BICC1: variants seen among roughly 807,000 people sequenced by gnomAD.
The protein encoded by BICC1 is protein bicaudal C homolog 1.
In BICC1, 43 loss-of-function variants were observed where a neutral mutation model predicts 111.0. That is an observed-to-expected ratio of 0.39 (90% CI 0.30 to 0.50). The LOEUF (loss-of-function observed/expected upper bound fraction) is 0.50, where lower values mean the gene tolerates loss of function less well. BICC1 is among the 20% of genes least tolerant of loss of function. BICC1 has a pLI of 0.88. For synonymous variants in BICC1, 467 were observed against 434.4 expected, an observed-to-expected ratio of 1.07 and a Z score of -0.93; for missense variants, 1,091 against 1,203.2, an observed-to-expected ratio of 0.91 and a Z score of 1.38.
intron 3 of BICC1, among the ~76,000 whole-genome samples, chr10:58,777,522 G>C (rs549638114): frequency 6.6e-6 from 1 of 152,048 alleles, no homozygotes; most frequent in Non-Finnish European, 1.5e-5. Flanking sequence ...GTATGTGAAT[G>C]GACCTCCCAC....
intron 2 of BICC1, among the ~76,000 whole-genome samples, chr10:58,661,317 C>G (rs1838838010): frequency 6.6e-6 from 1 of 151,064 alleles, no homozygotes; most frequent in South Asian, 2.1e-4. Flanking sequence ...TGTCATTTCT[C>G]TCTGGAGTTT....
intron 1 of BICC1, among the ~76,000 whole-genome samples, chr10:58,618,789 AC>A (rs1187844536): frequency 1.3e-5 from 2 of 152,240 alleles, no homozygotes; most frequent in Non-Finnish European, 2.9e-5. Context: ...GTAGCTTAAA[AC>A]AACAGAAATC....
chr10:58,649,523 T>C lies in BICC1; in HGVS notation c.237+28622T>C, dbSNP rs893852821. 3.3e-5 allele frequency among the ~76,000 whole-genome samples: 5 copies of C among 152,238 alleles called. No homozygotes were observed. In the South Asian group the frequency reaches 8.3e-4, roughly 25 times the overall value. On this transcript the variant is annotated intron_variant, in intron 2 of 20. Transcript: ENST00000373886. ...TTTCTCATGTTAGTGAAGTATGCAA[T>C]GGGAACCCTCATGGGTGTCTTTTAA...
chr10:58,671,755 A>G (rs978623982), intron 2 of BICC1, among the ~76,000 whole-genome samples: 6 of 151,784 alleles, frequency 4.0e-5, no homozygotes, highest in Non-Finnish European at 8.8e-5. Context: ...ATACTTCCCA[A>G]ATTGCCTTGT....
chr10:58,545,232 C>CAA (rs1843105989), intron 1 of BICC1, among the ~76,000 whole-genome samples: 1 of 152,116 alleles, frequency 6.6e-6, no homozygotes, highest in African/African-American at 2.4e-5. Flanking sequence ...TTAGTCTTTA[C>CAA]ATGTTTTAAC....
intron 9 of BICC1, 62 bp downstream of exon 9, chr10:58,793,677 T>G: frequency 6.4e-7 from 1 of 1,554,576 alleles, no homozygotes; most frequent in Non-Finnish European, 8.8e-7. Context: ...TAGTTTTATT[T>G]TGCATAGAAG....
intron 3 of BICC1, among the ~76,000 whole-genome samples, chr10:58,702,900 G>A (rs1489377302): frequency 1.3e-5 from 2 of 152,122 alleles, no homozygotes; most frequent in Non-Finnish European, 2.9e-5. Flanking sequence ...AGTCTGAGCT[G>A]CAATTATCCA....
chr10:58,578,630 C>A (rs1203540424), intron 1 of BICC1, among the ~76,000 whole-genome samples: 1 of 152,184 alleles, frequency 6.6e-6, no homozygotes, highest in Non-Finnish European at 1.5e-5. Context: ...GCAACTCCTG[C>A]AGATATCACT....
At chr10:58,528,661 T>C (rs1842606441) in intron 1 of BICC1, among the ~76,000 whole-genome samples, 1 of 151,884 alleles carries the variant, frequency 6.6e-6, no homozygotes, top group Admixed American at 6.6e-5. Flanking sequence ...CACAAAATGT[T>C]GATTAGGAAT....
intron 1 of BICC1, among the ~76,000 whole-genome samples, chr10:58,587,782 T>C (rs1168239830): frequency 1.3e-5 from 2 of 152,170 alleles, no homozygotes; most frequent in African/African-American, 4.8e-5. Context: ...AAAAGCTCCA[T>C]TTATTCTGAC....
At chr10:58,730,897 C>T (rs1393448339) in intron 3 of BICC1, among the ~76,000 whole-genome samples, 1 of 152,116 alleles carries the variant, frequency 6.6e-6, no homozygotes, top group Non-Finnish European at 1.5e-5. Flanking sequence ...GCCTCCCTGC[C>T]TATGATGGGA....
chr10:58,764,629 C>CTTTTTTT (rs11366847), intron 3 of BICC1, among the ~76,000 whole-genome samples: 5 of 117,578 alleles, frequency 4.3e-5, no homozygotes, highest in East Asian at 2.5e-4. Flanking sequence ...TAATTTCCTT[C>CTTTTTTT]TTTTTTTTTT....
chr10:58,612,088 C>T (rs1845443994), intron 1 of BICC1, among the ~76,000 whole-genome samples: 1 of 152,104 alleles, frequency 6.6e-6, no homozygotes, highest in South Asian at 2.1e-4. Context: ...TTATGAGATA[C>T]AGCATTCAGA....
chr10:58,770,220 A>G (rs1842586215), intron 3 of BICC1, among the ~76,000 whole-genome samples: 2 of 152,072 alleles, frequency 1.3e-5, no homozygotes, highest in Admixed American at 6.6e-5. Flanking sequence ...TTTGTGGTAA[A>G]TTAGTCTTCA....
chr10:58,772,580 T>C (rs942401655), intron 3 of BICC1, among the ~76,000 whole-genome samples: 4 of 152,232 alleles, frequency 2.6e-5, no homozygotes, highest in African/African-American at 7.2e-5. Context: ...GTTCCCTGAA[T>C]GTCTGCAAAA....
intron 3 of BICC1, among the ~76,000 whole-genome samples, chr10:58,722,987 T>G (rs986205494): frequency 3.3e-5 from 5 of 152,180 alleles, no homozygotes; most frequent in African/African-American, 9.6e-5. Flanking sequence ...CACCTCACTT[T>G]GTGAATTCTT....
intron 3 of BICC1, among the ~76,000 whole-genome samples, chr10:58,748,336 A>G (rs2132633269): frequency 6.6e-6 from 1 of 152,144 alleles, no homozygotes; most frequent in East Asian, 1.9e-4. Flanking sequence ...GTATAATGCT[A>G]TACTATACAT....
At position 58,773,721 on chromosome 10, in the gene BICC1, G is replaced by A. The variant is rs370350442; in HGVS notation, c.308-11280G>A. 1.2e-4 allele frequency among the ~76,000 whole-genome samples: 19 copies of A among 152,326 alleles called. No homozygotes were observed. In the East Asian group the frequency reaches 2.1e-3, roughly 17 times the overall value. ...GCAGGGGCAAATGGCGCATAACCAG[G>A]TACCGTTCTCAACTCTTTGACTTCT... is the stretch of plus-strand genomic sequence containing the variant. On this transcript the variant is annotated intron_variant, in intron 3 of 20. Transcript: ENST00000373886.
chr10:58,741,234 A>G (rs1211088811), intron 3 of BICC1, among the ~76,000 whole-genome samples: 3 of 152,220 alleles, frequency 2.0e-5, no homozygotes, highest in Non-Finnish European at 2.9e-5. Context: ...TGGCAACCCA[A>G]GGAGATTAGG....
Sources: allele counts gnomAD v4.1 joint callset (sites outside exome capture counted in the v4.1 genomes callset), GRCh38; gene constraint gnomAD v4.1.1; transcripts MANE v1.5; gene names NCBI Gene and HGNC (gene_info 2026-07-23, HGNC 2026-07-21).